CDH12: variants seen among roughly 807,000 people sequenced by gnomAD.
CDH12 encodes cadherin 12.
A neutral mutation model predicts 74.1 loss-of-function variants in CDH12; 41 were observed. That is an observed-to-expected ratio of 0.55 (90% confidence interval 0.43 to 0.72). The LOEUF is 0.72. Among genes scored for constraint, CDH12 ranks in the 30% least tolerant of loss-of-function variants. The pLI, the probability that CDH12 is intolerant of heterozygous loss-of-function variation, is 0.00. For missense variants in CDH12, 945 were observed against 977.2 expected (o/e 0.97, Z 0.44); for synonymous variants, 399 against 355.0 (o/e 1.12, Z -1.39).
At chr5:22,673,214 A>T (rs1740996724) in intron 1 of CDH12, among the ~76,000 whole-genome samples, 2 of 152,198 alleles carry the variant, frequency 1.3e-5, no homozygotes, top group South Asian at 4.1e-4. Flanking sequence ...CATTTCATAG[A>T]GTTTGCATTA....
rs200839072 is a variant in CDH12 at position 22,788,531 on chromosome 5, CATA to C, written c.-523+64524_-523+64526del. ...AATTCTTTATAATATAAAAATTTAT[CATA>C]ATATATAAATATATGTGGCATTTCA... On this transcript the variant is annotated intron_variant, in intron 1 of 14. Transcript: ENST00000382254. 2.5e-4 allele frequency among the ~76,000 whole-genome samples: 37 copies of C among 148,096 alleles called. No homozygotes were observed. In the East Asian group the frequency reaches 5.9e-3, roughly 24 times the overall value.
At chr5:22,742,775 C>CAT (rs941952101) in intron 1 of CDH12, among the ~76,000 whole-genome samples, 7 of 150,458 alleles carry the variant, frequency 4.7e-5, no homozygotes, top group South Asian at 2.1e-4. Context: ...GATATAAACA[C>CAT]ATATATATAT....
intron 2 of CDH12, among the ~76,000 whole-genome samples, chr5:22,451,418 T>C (rs10061796): frequency 2.2e-4 from 33 of 152,060 alleles, no homozygotes; most frequent in African/African-American, 7.7e-4. Context: ...TGGTTCACTA[T>C]ATGCAAATCA....
chr5:22,833,180 T>A (rs1736692685), intron 1 of CDH12, among the ~76,000 whole-genome samples: 1 of 152,204 alleles, frequency 6.6e-6, no homozygotes, highest in Non-Finnish European at 1.5e-5. Context: ...GTAAACGGAA[T>A]GTAACCAATA....
chr5:21,995,327 C>T (rs991564200), intron 5 of CDH12, among the ~76,000 whole-genome samples: 4 of 151,692 alleles, frequency 2.6e-5, no homozygotes, highest in African/African-American at 7.3e-5. Flanking sequence ...ACAGAGCTTT[C>T]ATCATGTAAA....
intron 1 of CDH12, among the ~76,000 whole-genome samples, chr5:22,511,719 G>T (rs74527926): frequency 6.6e-6 from 1 of 152,154 alleles, no homozygotes; most frequent in African/African-American, 2.4e-5. Flanking sequence ...TGGACCGCAG[G>T]AATTCTGCTC....
intron 4 of CDH12, among the ~76,000 whole-genome samples, chr5:22,116,382 G>T (rs994432851): frequency 6.6e-6 from 1 of 152,090 alleles, no homozygotes; most frequent in African/African-American, 2.4e-5. Context: ...GAGACGGGCG[G>T]GTCACGAGGT....
chr5:22,144,690 C>G (rs1747041846), intron 4 of CDH12, among the ~76,000 whole-genome samples: 1 of 151,846 alleles, frequency 6.6e-6, no homozygotes, highest in Non-Finnish European at 1.5e-5. Flanking sequence ...CATTTCTTAC[C>G]ATCTTGTTAT....
intron 3 of CDH12, chr5:22,278,086 T>C (rs999806285): frequency 1.3e-5 from 2 of 152,226 alleles, no homozygotes; most frequent in Non-Finnish European, 2.9e-5. Context: ...AAGGCTTTTA[T>C]TGATTTAACT....
At chr5:22,461,313 C>T (rs144088611) in intron 2 of CDH12, among the ~76,000 whole-genome samples, 2,110 of 151,814 alleles carry the variant, frequency 0.014, 56 homozygotes, top group African/African-American at 0.048. Context: ...CCTGAGGCAC[C>T]GTACCTGGCC....
chr5:22,725,628 T>A (rs1401046081), intron 1 of CDH12, among the ~76,000 whole-genome samples: 1 of 151,732 alleles, frequency 6.6e-6, no homozygotes, highest in African/African-American at 2.4e-5. Context: ...CTAATCTCAC[T>A]TTTGAGGGCC....
At chr5:21,967,914 T>A (rs1283288703) in intron 6 of CDH12, among the ~76,000 whole-genome samples, 1 of 152,190 alleles carries the variant, frequency 6.6e-6, no homozygotes, top group East Asian at 1.9e-4. Context: ...TTAAAGCGAC[T>A]CAGCAGATTG....
chr5:22,053,493 G>T (rs1580174550), intron 5 of CDH12, among the ~76,000 whole-genome samples: 1 of 152,034 alleles, frequency 6.6e-6, no homozygotes, highest in Non-Finnish European at 1.5e-5. Flanking sequence ...CGGCTATGCA[G>T]GTACAGCTTC....
chr5:22,073,282 G>T (rs972330083), intron 5 of CDH12, among the ~76,000 whole-genome samples: 6 of 152,052 alleles, frequency 3.9e-5, no homozygotes, highest in African/African-American at 1.4e-4. Flanking sequence ...TTTAAGAATT[G>T]CTGCTAACAG....
intron 1 of CDH12, among the ~76,000 whole-genome samples, chr5:22,602,572 G>C (rs1736903194): frequency 1.3e-5 from 2 of 152,036 alleles, no homozygotes; most frequent in African/African-American, 4.8e-5. Flanking sequence ...TCATGCAGAA[G>C]ATTCAAGAAA....
chr5:22,775,172 T>C (rs1747027614), intron 1 of CDH12, among the ~76,000 whole-genome samples: 1 of 152,094 alleles, frequency 6.6e-6, no homozygotes, highest in South Asian at 2.1e-4. Context: ...TTTCTCAACG[T>C]AAGTGAAATT....
chr5:22,718,646 C>G (rs1049046376), intron 1 of CDH12, among the ~76,000 whole-genome samples: 1 of 152,082 alleles, frequency 6.6e-6, no homozygotes, highest in Non-Finnish European at 1.5e-5. Context: ...CAGGGTCACT[C>G]GATATCAGTC....
intron 4 of CDH12, among the ~76,000 whole-genome samples, chr5:22,098,350 AAAC>A (rs1479008192): frequency 3.9e-5 from 6 of 152,104 alleles, no homozygotes; most frequent in Admixed American, 6.6e-5. Context: ...CCCTTCTACA[AAAC>A]AACAACTCCT....
At position 22,173,253 on chromosome 5, in the gene CDH12, T is replaced by A. The variant is rs1749138065; in HGVS notation, c.-187+39245A>T. Among the ~76,000 whole-genome samples the A allele has an allele frequency of 2.7e-5, 4 of 147,074 alleles. No individual in the cohort carries two copies. The South Asian group carries it at 8.3e-4, about 31-fold the overall frequency. On this transcript the variant is annotated intron_variant, in intron 4 of 14. Coordinates refer to ENST00000382254, the MANE Select transcript of CDH12 (RefSeq NM_004061.5). ...TATGATTTGTTATATAATTATATAA[T>A]TTATATAATTTAAATTTTATAATTA...
Sources: gnomAD v4.1 joint callset for allele counts (sites outside exome capture counted in the v4.1 genomes callset) on GRCh38, gnomAD v4.1.1 for gene constraint, MANE v1.5 for transcripts, NCBI Gene and HGNC (gene_info 2026-07-23, HGNC 2026-07-21) for gene names.